Variants in CHCHD3 observed in about 807,000 individuals in gnomAD.
CHCHD3 encodes the protein coiled-coil-helix-coiled-coil-helix domain containing 3.
CHCHD3 carries 20 observed loss-of-function variants against 38.2 expected under a neutral mutation model. The ratio of observed to expected loss-of-function variants is 0.52; its 90% CI spans 0.37 to 0.76. CHCHD3 has a LOEUF of 0.76. Ranked by LOEUF, CHCHD3 falls within the 30% of genes least tolerant of loss-of-function variation. The pLI is 0.00. For missense variants in CHCHD3, 245 were observed against 279.2 expected, an observed-to-expected ratio of 0.88 and a Z score of 0.87; for synonymous variants, 82 against 100.0, an observed-to-expected ratio of 0.82 and a Z score of 1.07.
intron 4 of CHCHD3, among the ~76,000 whole-genome samples, chr7:132,897,577 G>C (rs776386455): frequency 2.0e-5 from 3 of 152,192 alleles, no homozygotes; most frequent in Non-Finnish European, 2.9e-5. Context: ...TGGGACTCCT[G>C]CCTCTTGACA....
intron 5 of CHCHD3, among the ~76,000 whole-genome samples, chr7:132,869,522 T>C (rs78694133): frequency 1.3e-5 from 2 of 152,256 alleles, no homozygotes; most frequent in South Asian, 2.1e-4. Context: ...ACTTCTAACT[T>C]TGATATACAC....
At chr7:133,008,614 G>A (rs970643515) in intron 3 of CHCHD3, among the ~76,000 whole-genome samples, 6 of 152,042 alleles carry the variant, frequency 3.9e-5, no homozygotes, top group African/African-American at 1.4e-4. Flanking sequence ...CATATGAAAT[G>A]TCTGAGACAA....
chr7:132,804,594 T>A (rs1806867951), intron 6 of CHCHD3, among the ~76,000 whole-genome samples: 2 of 152,216 alleles, frequency 1.3e-5, no homozygotes, highest in South Asian at 2.1e-4. Context: ...AGTTTAATTT[T>A]AAAAATTTCA....
intron 1 of CHCHD3, among the ~76,000 whole-genome samples, chr7:133,074,140 G>A (rs1814909241): frequency 6.6e-6 from 1 of 152,140 alleles, no homozygotes; most frequent in African/African-American, 2.4e-5. Context: ...TCACCTTTCT[G>A]CCTTTCCACT....
chr7:132,924,280 AG>A (rs1810324617), intron 4 of CHCHD3, among the ~76,000 whole-genome samples: 1 of 152,224 alleles, frequency 6.6e-6, no homozygotes, highest in Non-Finnish European at 1.5e-5. Flanking sequence ...GTAGTGGTAC[AG>A]TTTTGGCCTA....
At chr7:132,847,668 C>G (rs1380764457) in intron 5 of CHCHD3, among the ~76,000 whole-genome samples, 1 of 152,198 alleles carries the variant, frequency 6.6e-6, no homozygotes, top group Non-Finnish European at 1.5e-5. Context: ...CACAGATACA[C>G]ATTATTGCTC....
intron 3 of CHCHD3, among the ~76,000 whole-genome samples, chr7:132,983,840 T>C (rs945690527): frequency 1.3e-5 from 2 of 152,192 alleles, no homozygotes; most frequent in African/African-American, 2.4e-5. Flanking sequence ...ATAAGGACTG[T>C]TGTAGAAAAA....
chr7:132,909,020 C>T (rs1809869302), intron 4 of CHCHD3, among the ~76,000 whole-genome samples: 1 of 152,018 alleles, frequency 6.6e-6, no homozygotes, highest in South Asian at 2.1e-4. Context: ...GGGCAGTTAT[C>T]CCCATGCTGT....
chr7:132,961,590 C>T lies in CHCHD3; in HGVS notation c.369+13579G>A, dbSNP rs144211331. On this transcript the variant is annotated intron_variant, in intron 4 of 7. Transcript: ENST00000262570. ...ACACATCTATCATCTCACACCTGTG[C>T]GTGTGCTCGCACACAATGCATGCGT... Among the ~76,000 whole-genome samples, 77 of 152,318 alleles carry T rather than the reference C, an allele frequency of 5.1e-4. No homozygotes were observed. In the South Asian group the frequency reaches 8.5e-3, roughly 17 times the overall value.
At chr7:133,039,068 G>A (rs1813757281) in intron 2 of CHCHD3, among the ~76,000 whole-genome samples, 1 of 152,202 alleles carries the variant, frequency 6.6e-6, no homozygotes, top group Admixed American at 6.5e-5. Flanking sequence ...ACTGCTCACT[G>A]AGGTTTTGTG....
In CHCHD3 at chr7:132,802,176, T is replaced by C. The variant is rs139633003; in HGVS notation, c.525-5599A>G. Among the ~76,000 whole-genome samples, 1,161 of 152,186 alleles carry C rather than the reference T, an allele frequency of 7.6e-3. 17 individuals are homozygous for C. The highest frequency in any genetic ancestry group is 0.026 in the African/African-American group (1,075 of 41,510). ...AATATGTTTTTCTTTTTCAATAATATTGGGTCCTTGGAAATGATGGGGGGC... is the reference window on the plus strand; with the variant it reads ...AATATGTTTTTCTTTTTCAATAATACTGGGTCCTTGGAAATGATGGGGGGC... On this transcript the variant is annotated intron_variant, in intron 6 of 7. Coordinates refer to ENST00000262570, the MANE Select transcript of CHCHD3 (RefSeq NM_017812.4).
intron 2 of CHCHD3, among the ~76,000 whole-genome samples, chr7:133,046,510 CAAACTTGGGTTTTTTTAATT>C (rs1813985786): frequency 6.6e-6 from 1 of 152,124 alleles, no homozygotes; most frequent in East Asian, 1.9e-4. Context: ...GTGTATATTA[CAAACTTGGGTTTTTTTAATT>C]ATATATAATT....
rs552829463 is a variant in CHCHD3, at chr7:132,983,520, C to G, written c.252-8234G>C. 4.6e-5 allele frequency among the ~76,000 whole-genome samples: 7 copies of G among 152,280 alleles called. No individual in the cohort carries two copies. The South Asian group carries it at 8.3e-4, about 18-fold the overall frequency. ...GCTATTGTAGCGAGCTCAGGAGTTA[C>G]GAGTATCTGCTTAACACACTGTGAT... On this transcript the variant is annotated intron_variant, in intron 3 of 7. Transcript: ENST00000262570.
At chr7:132,999,855 T>C (rs1812519564) in intron 3 of CHCHD3, among the ~76,000 whole-genome samples, 1 of 152,166 alleles carries the variant, frequency 6.6e-6, no homozygotes, top group Non-Finnish European at 1.5e-5. Flanking sequence ...TATTATTCAA[T>C]TTGATATCAC....
chr7:132,982,554 G>A (rs925747023), intron 3 of CHCHD3, among the ~76,000 whole-genome samples: 1 of 152,192 alleles, frequency 6.6e-6, no homozygotes, highest in African/African-American at 2.4e-5. Context: ...CAGAGTGCTA[G>A]GATTACAGGC....
intron 5 of CHCHD3, among the ~76,000 whole-genome samples, chr7:132,877,010 CTTAAGG>C (rs1043215197): frequency 1.4e-4 from 21 of 152,168 alleles, no homozygotes; most frequent in Middle Eastern, 3.4e-3. Context: ...CTCATCTTAC[CTTAAGG>C]TTAATACTTC....
intron 2 of CHCHD3, among the ~76,000 whole-genome samples, chr7:133,060,751 A>G (rs777400489): frequency 2.0e-5 from 3 of 152,172 alleles, no homozygotes; most frequent in Non-Finnish European, 2.9e-5. Flanking sequence ...TCTACTAAAA[A>G]TACAAAAAAT....
At chr7:132,933,752 G>A (rs1405762829) in intron 4 of CHCHD3, among the ~76,000 whole-genome samples, 5 of 152,234 alleles carry the variant, frequency 3.3e-5, no homozygotes, top group Non-Finnish European at 7.3e-5. Context: ...CAGGAAAGGT[G>A]AAAAGAATCC....
intron 6 of CHCHD3, among the ~76,000 whole-genome samples, chr7:132,801,628 G>C (rs988581693): frequency 6.6e-6 from 1 of 152,168 alleles, no homozygotes; most frequent in African/African-American, 2.4e-5. Flanking sequence ...TCAGTACTTA[G>C]CTCAACGAAC....
Sources: gnomAD v4.1 joint callset for allele counts (sites outside exome capture counted in the v4.1 genomes callset) on GRCh38, gnomAD v4.1.1 for gene constraint, MANE v1.5 for transcripts, NCBI Gene and HGNC (gene_info 2026-07-23, HGNC 2026-07-21) for gene names.